Variants in CYP19A1 observed in about 807,000 individuals in gnomAD.
CYP19A1 encodes the protein cytochrome P450 family 19 subfamily A member 1.
Under a neutral mutation model 44.4 loss-of-function variants are expected in CYP19A1, and 32 were observed. The observed-to-expected ratio is 0.72, with a 90% CI of 0.54 to 0.97. CYP19A1 has a LOEUF of 0.97. Among genes scored for constraint, CYP19A1 ranks in the 50% least tolerant of loss-of-function variants. The pLI, the probability that CYP19A1 is intolerant of heterozygous loss-of-function variation, is 0.00. For missense variants in CYP19A1, 598 were observed against 637.8 expected (o/e 0.94, Z 0.67); for synonymous variants, 212 against 215.6 (o/e 0.98, Z 0.14).
Position 51,218,614 on chromosome 15 carries a change from A to T in CYP19A1, c.670T>A (p.Trp224Arg). The change falls in exon 6 of 10, where the codon TGG becomes AGG. Residue 224 changes from tryptophan to arginine, a missense_variant. Transcript: ENST00000396402. Reference sequence around the variant, plus strand: ...TCTGGTTTGATGAGGAGAGCTTGCCATGCATCAAAATAACCTTGGATTTTA... The same window carrying T: ...TCTGGTTTGATGAGGAGAGCTTGCCTTGCATCAAAATAACCTTGGATTTTA... ...VVKIQGYFDA[W>R]QALLIKPDIF... The T allele has an allele frequency of 6.2e-7, 1 of 1,613,892 alleles. No homozygotes were observed. The highest frequency in any genetic ancestry group is 8.5e-7 in the Non-Finnish European group (1 of 1,179,910).
chr15:51,280,570 G>A (rs916099556), intron 1 of CYP19A1, among the ~76,000 whole-genome samples: 10 of 152,142 alleles, frequency 6.6e-5, no homozygotes, highest in Admixed American at 1.3e-4. Context: ...GGTGACTTGG[G>A]CACCATTCTG....
chr15:51,280,117 CT>C (rs56080547), intron 1 of CYP19A1: 249 of 119,578 alleles, frequency 2.1e-3, no homozygotes, highest in African/African-American at 5.0e-3. Context: ...GCCTGCCCTT[CT>C]TTTTTTTTTT....
chr15:51,333,821 A>G (rs891727989), intron 1 of CYP19A1, among the ~76,000 whole-genome samples: 1 of 152,180 alleles, frequency 6.6e-6, no homozygotes, highest in African/African-American at 2.4e-5. Flanking sequence ...ACTCCCAACC[A>G]GTCTCTCTGG....
intron 1 of CYP19A1, chr15:51,320,155 C>G (rs2036502099): frequency 6.6e-6 from 1 of 152,390 alleles, no homozygotes; most frequent in Non-Finnish European, 1.5e-5. Flanking sequence ...TGCTCAGGCA[C>G]CATCCTCGGC....
At chr15:51,283,293 T>C (rs1294448105) in intron 1 of CYP19A1, among the ~76,000 whole-genome samples, 1 of 152,204 alleles carries the variant, frequency 6.6e-6, no homozygotes, top group Non-Finnish European at 1.5e-5. Flanking sequence ...CTCTTCTCTC[T>C]CCCATTAATG....
intron 1 of CYP19A1, among the ~76,000 whole-genome samples, chr15:51,278,656 G>A (rs1902586): frequency 0.19 from 29,247 of 152,176 alleles, 5,561 homozygotes; most frequent in African/African-American, 0.48. Flanking sequence ...ATGTGTGAAC[G>A]TGATTGTCAC....
At chr15:51,241,930 T>C (rs1323468394) in intron 2 of CYP19A1, among the ~76,000 whole-genome samples, 3 of 152,116 alleles carry the variant, frequency 2.0e-5, no homozygotes, top group Non-Finnish European at 4.4e-5. Context: ...ACTATGCTCT[T>C]AAAGTCTCAT....
chr15:51,231,774 T>A (rs1292493137), intron 3 of CYP19A1, among the ~76,000 whole-genome samples: 1 of 152,054 alleles, frequency 6.6e-6, no homozygotes, highest in Admixed American at 6.5e-5. Flanking sequence ...GACTATTATA[T>A]TCTCCCTACT....
chr15:51,246,831 G>A (rs182797104), intron 1 of CYP19A1, among the ~76,000 whole-genome samples: 112 of 152,282 alleles, frequency 7.4e-4, no homozygotes, highest in African/African-American at 2.0e-3. Context: ...CCCTGGATGT[G>A]AGGGCTGGGT....
At chr15:51,271,899 G>A (rs1242800311) in intron 1 of CYP19A1, among the ~76,000 whole-genome samples, 1 of 152,254 alleles carries the variant, frequency 6.6e-6, no homozygotes, top group Non-Finnish European at 1.5e-5. Flanking sequence ...AAAGCCAGCA[G>A]TGTTTGCATC....
At chr15:51,317,376 T>C (rs2036446376) in intron 1 of CYP19A1, among the ~76,000 whole-genome samples, 1 of 152,218 alleles carries the variant, frequency 6.6e-6, no homozygotes, top group African/African-American at 2.4e-5. Flanking sequence ...CCCAAAGTGC[T>C]GGGATTACAG....
intron 1 of CYP19A1, chr15:51,316,248 G>A (rs1027432228): frequency 1.3e-5 from 2 of 152,212 alleles, no homozygotes; most frequent in Non-Finnish European, 2.9e-5. Context: ...CCAGCACTTT[G>A]GGAGTTTGAG....
intron 1 of CYP19A1, among the ~76,000 whole-genome samples, chr15:51,300,436 G>A (rs1195743990): frequency 1.3e-5 from 2 of 152,208 alleles, no homozygotes; most frequent in Non-Finnish European, 2.9e-5. Flanking sequence ...TTTCATAGGA[G>A]AGATCATCTC....
At chr15:51,297,328 T>A (rs1416128842) in intron 1 of CYP19A1, among the ~76,000 whole-genome samples, 1 of 152,172 alleles carries the variant, frequency 6.6e-6, no homozygotes, top group Non-Finnish European at 1.5e-5. Flanking sequence ...ACCAGCCTCC[T>A]CTTTAACAGA....
rs1280665810 is a variant in CYP19A1, at chr15:51,208,992, CAG to C, written c.*1814_*1815del. The stretch of plus-strand genomic sequence containing the variant: ...CAGCTCCAGCCAGAGGCAACGTAAA[CAG>C]AGTGTTACTAATTTTCAAGTGAATT... On this transcript the variant is annotated 3_prime_UTR_variant, in exon 10 of 10. Transcript: ENST00000396402. The C allele has an allele frequency of 6.6e-6, 1 of 152,124 alleles. No individual in the cohort carries two copies. The highest frequency in any genetic ancestry group is 1.5e-5 in the Non-Finnish European group (1 of 68,020). The allele number at this position is 152,124 out of a possible 1,614,324, so 9.4% of individuals were successfully genotyped here.
chr15:51,219,368 A>G (rs990124954), intron 5 of CYP19A1, among the ~76,000 whole-genome samples: 1 of 152,260 alleles, frequency 6.6e-6, no homozygotes, highest in African/African-American at 2.4e-5. Flanking sequence ...ATACCAGATA[A>G]TATACAAAAG....
At chr15:51,246,781 C>G (rs1318491421) in intron 1 of CYP19A1, among the ~76,000 whole-genome samples, 1 of 152,140 alleles carries the variant, frequency 6.6e-6, no homozygotes, top group African/African-American at 2.4e-5. Flanking sequence ...ATCCTTTTAG[C>G]GTGGGGGCTA....
At chr15:51,258,554 T>G (rs528618265) in intron 1 of CYP19A1, among the ~76,000 whole-genome samples, 11 of 152,314 alleles carry the variant, frequency 7.2e-5, no homozygotes, top group Admixed American at 3.3e-4. Context: ...CACATTTATG[T>G]GTTCTAGAAG....
chr15:51,329,116 T>G (rs979346298), intron 1 of CYP19A1, among the ~76,000 whole-genome samples: 6 of 152,182 alleles, frequency 3.9e-5, no homozygotes, highest in Admixed American at 6.5e-5. Flanking sequence ...AACCTATTGG[T>G]TCTGCTTCTC....
Sources: allele counts gnomAD v4.1 joint callset (sites outside exome capture counted in the v4.1 genomes callset), GRCh38; gene constraint gnomAD v4.1.1; transcripts MANE v1.5; gene names NCBI Gene and HGNC (gene_info 2026-07-23, HGNC 2026-07-21).